The following BSCL2 variants were observed in gnomAD, a reference collection of about 807,000 sequenced individuals.
The protein encoded by BSCL2 is BSCL2 lipid droplet biogenesis associated, seipin, also known as seipin.
In BSCL2, 41 loss-of-function variants were observed where a neutral mutation model predicts 57.4. That is an observed-to-expected ratio of 0.71 (90% confidence interval 0.56 to 0.93). The LOEUF (loss-of-function observed/expected upper bound fraction) is 0.93, where lower values mean the gene tolerates loss of function less well. Among genes scored for constraint, BSCL2 ranks in the 40% least tolerant of loss-of-function variants. The pLI is 0.00. For synonymous variants in BSCL2, 237 were observed against 227.3 expected, an observed-to-expected ratio of 1.04 and a Z score of -0.38; for missense variants, 539 against 586.7, an observed-to-expected ratio of 0.92 and a Z score of 0.84.
At chr11:62,700,744 G>A (rs1317085031) in intron 3 of BSCL2, among the ~76,000 whole-genome samples, 1 of 152,096 alleles carries the variant, frequency 6.6e-6, no homozygotes, top group South Asian at 2.1e-4. Flanking sequence ...CCTGAGGTCA[G>A]GAGTTTTAGA....
In BSCL2 at chr11:62,705,637, GAA is replaced by G; in HGVS notation, c.88-22_88-21del. The G allele has an allele frequency of 6.7e-7, 1 of 1,488,394 alleles. No homozygotes were observed. Among genetic ancestry groups the G allele is most frequent in the South Asian group, 1.3e-5 (1 of 74,376 alleles). 92.2% of individuals were successfully genotyped at this position (1,488,394 alleles called of 1,614,324 possible). On this transcript the variant is annotated intron_variant, in intron 1 of 10. Transcript: ENST00000360796. ...TGGTTCCTGGAAAGAGAGGGTGAGG[GAA>G]AAGAGTGACTCCTTTCCCCAGGGAG... is the stretch of plus-strand genomic sequence containing the variant.
At chr11:62,709,504 G>C (rs992197695), upstream of BSCL2, 4 of 453,588 alleles carry the variant, frequency 8.8e-6, no homozygotes, top group African/African-American at 4.0e-5. Flanking sequence ...TACAGCAGAG[G>C]AACTCTTAGG....
In BSCL2 at chr11:62,694,195, C is replaced by CT. The variant is rs71056545; in HGVS notation, c.630+372dup. Among the ~76,000 whole-genome samples, 24 of 47,168 alleles carry CT rather than the reference C, an allele frequency of 5.1e-4. 2 individuals carry two copies. Among genetic ancestry groups the CT allele is most frequent in the African/African-American group, 7.3e-4 (9 of 12,366 alleles). The allele number at this position is 47,168 out of a possible 152,430, so 30.9% of individuals were successfully genotyped here. A position where few individuals can be genotyped will look rare whatever the true frequency, so the allele number is the denominator to read the frequency against. The stretch of plus-strand genomic sequence containing the variant: ...CCTGAGGAATCCCTACCCAGACATT[C>CT]TTTTTTTTTTTTTTTTTTTTTTTTT... On this transcript the variant is annotated intron_variant, in intron 4 of 10. Coordinates refer to ENST00000360796, the MANE Select transcript of BSCL2 (RefSeq NM_001122955.4).
At chr11:62,708,775 G>A, upstream of BSCL2, 1 of 1,613,998 alleles carries the variant, frequency 6.2e-7, no homozygotes. Context: ...AACCCCTTCC[G>A]GGAGAAGAAG....
chr11:62,696,357 T>C (rs1945462508), intron 3 of BSCL2, among the ~76,000 whole-genome samples: 1 of 149,124 alleles, frequency 6.7e-6, no homozygotes, highest in Non-Finnish European at 1.5e-5. Context: ...GGCAGTGGCA[T>C]GATCATGGCT....
In BSCL2 at chr11:62,692,780, G is replaced by A; in HGVS notation, c.648C>T (p.Arg216=). The A allele has an allele frequency of 6.2e-7, 1 of 1,613,722 alleles. No homozygotes were observed. The highest frequency in any genetic ancestry group is 8.5e-7 in the Non-Finnish European group (1 of 1,180,016). Residue 216 remains arginine, a synonymous_variant, in exon 5 of 11, where the codon CGC becomes CGT. Transcript: ENST00000360796. ...TGTCCAGCATCTGGAGCAGGTCTGA[G>A]CGGTAATGCAGCATCACCTGCCGGG... ...TSSRSVMLHY[R]SDLLQMLDTL...
In BSCL2 at chr11:62,690,446, G is replaced by T. The variant is rs751558047; in HGVS notation, c.1310C>A (p.Ala437Asp). 6.2e-7 allele frequency: 1 copy of T among 1,613,972 alleles called. No homozygotes were observed. ...GCTGCCCAGAGTCTCTAGGACAGGG[G>T]CAGAAGCAGAAGCAGGAGCAGGAGC... ...LPAPAPASAS[A>D]PVLETLGSSE... The change falls in exon 11 of 11, where the codon GCC becomes GAC. Residue 437 changes from alanine (A) to aspartate (D), a missense_variant. Physicochemically the swap from Ala to Asp is moderately radical, Grantham distance 126 (BLOSUM62 -2). Transcript: ENST00000360796.
rs1217135990 is a variant in BSCL2 at position 62,694,550 on chromosome 11, C to A, written c.630+18G>T. 1 of 1,613,826 alleles carries A rather than the reference C, an allele frequency of 6.2e-7. No individual in the cohort carries two copies. The highest frequency in any genetic ancestry group is 1.7e-5 in the Admixed American group (1 of 59,958). On this transcript the variant is annotated intron_variant, in intron 4 of 10. Transcript: ENST00000360796. ...CCATCTTCCTCCACACCTTCTCAGACAGGCCACCAACACTTACCGAACGCG... is the reference window on the plus strand; with the variant it reads ...CCATCTTCCTCCACACCTTCTCAGAAAGGCCACCAACACTTACCGAACGCG...
At chr11:62,698,795 C>T (rs965187290) in intron 3 of BSCL2, among the ~76,000 whole-genome samples, 5 of 152,228 alleles carry the variant, frequency 3.3e-5, no homozygotes, top group African/African-American at 1.2e-4. Context: ...GGCTCCCTCC[C>T]TTGGCTCTCT....
chr11:62,695,956 C>G (rs1945448155), intron 3 of BSCL2, among the ~76,000 whole-genome samples: 1 of 151,712 alleles, frequency 6.6e-6, no homozygotes, highest in East Asian at 2.0e-4. Flanking sequence ...GAGTGTATCA[C>G]AAGGTCAGGA....
chr11:62,696,533 C>T (rs1201377499), intron 3 of BSCL2, among the ~76,000 whole-genome samples: 1 of 151,524 alleles, frequency 6.6e-6, no homozygotes, highest in African/African-American at 2.4e-5. Flanking sequence ...TGAATTCTTC[C>T]CCTCAACCAC....
chr11:62,701,703 G>A (rs910178376), intron 3 of BSCL2, among the ~76,000 whole-genome samples: 4 of 151,860 alleles, frequency 2.6e-5, no homozygotes, highest in South Asian at 4.2e-4. Flanking sequence ...GTGGTGGCGC[G>A]CTCCTGTAGT....
Position 62,707,327 on chromosome 11 carries a change from G to T in BSCL2, c.-132C>A. The T allele has an allele frequency of 1.2e-6, 1 of 849,930 alleles. No homozygotes were observed. The highest frequency in any genetic ancestry group is 1.9e-6 in the Non-Finnish European group (1 of 513,668). The allele number at this position is 849,930 out of a possible 1,614,324, so 52.6% of individuals were successfully genotyped here. A position where few individuals can be genotyped will look rare whatever the true frequency, so the allele number is the denominator to read the frequency against. ...TGGATATGGAAAATGGAGGGTCCCT[G>T]GGAGAGAAACGAAGATTCAGGTGCT... On this transcript the variant is annotated 5_prime_UTR_variant, in exon 1 of 11. Coordinates refer to ENST00000360796, the MANE Select transcript of BSCL2 (RefSeq NM_001122955.4).
chr11:62,695,081 A>AGGATTAATAAGCCTGTCCTC (rs961372907), intron 3 of BSCL2, among the ~76,000 whole-genome samples: 10 of 152,142 alleles, frequency 6.6e-5, no homozygotes, highest in Non-Finnish European at 1.2e-4. Flanking sequence ...CCTCTCTTAC[A>AGGATTAATAAGCCTGTCCTC]TTATTAATCA....
At chr11:62,698,320 TCCCAAGTAGCTGG>T (rs1255768457) in intron 3 of BSCL2, among the ~76,000 whole-genome samples, 5 of 152,124 alleles carry the variant, frequency 3.3e-5, no homozygotes, top group African/African-American at 1.2e-4. Flanking sequence ...TGTCTCAGCC[TCCCAAGTAGCTGG>T]GACTACAGGC....
intron 3 of BSCL2, among the ~76,000 whole-genome samples, chr11:62,695,850 C>A (rs938161139): frequency 2.0e-5 from 3 of 151,868 alleles, no homozygotes; most frequent in African/African-American, 7.3e-5. Context: ...CTGATAGGGG[C>A]CTTTTTTTGT....
At chr11:62,690,989 C>T in intron 8 of BSCL2, 86 bp downstream of exon 8, 1 of 1,579,206 alleles carries the variant, frequency 6.3e-7, no homozygotes, top group Non-Finnish European at 8.7e-7. Context: ...TACCCTAAGC[C>T]TCATACTGGA....
Position 62,691,121 on chromosome 11 carries a change from GTC to G in BSCL2, c.1024_1025del (p.Asp342GlnfsTer18). 6.2e-7 allele frequency: 1 copy of G among 1,614,206 alleles called. No individual in the cohort carries two copies. The highest frequency in any genetic ancestry group is 2.2e-5 in the East Asian group (1 of 44,884). On this transcript the variant is annotated frameshift_variant, in exon 8 of 11. Transcript: ENST00000360796. LOFTEE classifies it high-confidence loss of function. ...FSLQVNIRKR[D>X]NSRKEVQRRI... ...TTCGTTGGACTTCCTTCCGGGAATT[GTC>G]TCTTTTTCGGATGTTAACCTGTGGA...
In BSCL2 at chr11:62,707,288, G is replaced by T; in HGVS notation, c.-93C>A. Reference sequence around the variant, plus strand: ...CGATCCAGACGCTGATACCTGTGGCGCATCACATTTTCCTGGATATGGAAA... The same window carrying T: ...CGATCCAGACGCTGATACCTGTGGCTCATCACATTTTCCTGGATATGGAAA... On this transcript the variant is annotated 5_prime_UTR_variant, in exon 1 of 11. Coordinates refer to ENST00000360796, the MANE Select transcript of BSCL2 (RefSeq NM_001122955.4). 1 of 1,100,232 alleles carries T rather than the reference G, an allele frequency of 9.1e-7. No individual in the cohort carries two copies. Among genetic ancestry groups the T allele is most frequent in the Non-Finnish European group, 1.4e-6 (1 of 736,844 alleles). 68.2% of individuals were successfully genotyped at this position (1,100,232 alleles called of 1,614,324 possible).
Sources: allele counts gnomAD v4.1 joint callset (sites outside exome capture counted in the v4.1 genomes callset), GRCh38; gene constraint gnomAD v4.1.1; transcripts MANE v1.5; gene names NCBI Gene and HGNC (gene_info 2026-07-23, HGNC 2026-07-21).